TTC9: variants seen among roughly 807,000 people sequenced by gnomAD.
TTC9 encodes tetratricopeptide repeat protein 9A.
A neutral mutation model predicts 22.9 loss-of-function variants in TTC9; 13 were observed. The observed-to-expected ratio is 0.57, with a 90% CI of 0.37 to 0.90. The LOEUF is 0.90. Among genes scored for constraint, TTC9 ranks in the 40% least tolerant of loss-of-function variants. The probability of loss-of-function intolerance (pLI) is 0.01; values close to 1 mark genes in which losing one functional copy is unlikely to be tolerated. For synonymous variants in TTC9, 148 were observed against 133.2 expected, an observed-to-expected ratio of 1.11 and a Z score of -0.77; for missense variants, 280 against 291.8, an observed-to-expected ratio of 0.96 and a Z score of 0.29.
intron 1 of TTC9, among the ~76,000 whole-genome samples, chr14:70,656,612 C>A (rs1004857440): frequency 6.6e-6 from 1 of 152,148 alleles, no homozygotes; most frequent in Non-Finnish European, 1.5e-5. Flanking sequence ...AAATGGGAGA[C>A]GTTCTTTAAT....
rs200392932 is a variant in TTC9 at position 70,649,160 on chromosome 14, C to CT, written c.406+6630dup. Among the ~76,000 whole-genome samples, 1,152 of 152,254 alleles carry CT rather than the reference C, an allele frequency of 7.6e-3. 20 individuals carry two copies. The highest frequency in any genetic ancestry group is 0.027 in the African/African-American group (1,105 of 41,540). ...GATATTCACCACCATCTGAAGCAAACTTTTTGACAACCACCACCACCAAAA... is the reference window on the plus strand; with the variant it reads ...GATATTCACCACCATCTGAAGCAAACTTTTTTGACAACCACCACCACCAAAA... On this transcript the variant is annotated intron_variant, in intron 1 of 2. Coordinates refer to ENST00000256367, the MANE Select transcript of TTC9 (RefSeq NM_015351.2).
intron 1 of TTC9, among the ~76,000 whole-genome samples, chr14:70,644,499 A>G (rs1386238881): frequency 4.6e-5 from 7 of 152,216 alleles, no homozygotes; most frequent in Admixed American, 3.9e-4. Flanking sequence ...AGTTTTGCAG[A>G]GAAAAAGCTC....
intron 1 of TTC9, among the ~76,000 whole-genome samples, chr14:70,662,195 C>G (rs1188283977): frequency 1.3e-5 from 2 of 152,194 alleles, no homozygotes; most frequent in Admixed American, 1.3e-4. Flanking sequence ...CCCTGTACCT[C>G]TTCTGCTGCC....
chr14:70,654,586 T>TA (rs1422374484), intron 1 of TTC9, among the ~76,000 whole-genome samples: 2 of 20,128 alleles, frequency 9.9e-5, no homozygotes, highest in Non-Finnish European at 9.0e-5. Context: ...AGGCTCTGTC[T>TA]CAAAAAAAAA....
At position 70,667,732 on chromosome 14, in the gene TTC9, C is replaced by T. The variant is rs1886234850; in HGVS notation, c.575C>T (p.Thr192Ile). ...KALYYLKEAR[T>I]QQPTDTNVIR... Reference sequence around the variant, plus strand: ...CTCTACTACCTGAAAGAAGCAAGGACCCAACAACCAACAGGTAAGGCGGAA... The same window carrying T: ...CTCTACTACCTGAAAGAAGCAAGGATCCAACAACCAACAGGTAAGGCGGAA... The change falls in exon 2 of 3, where the codon ACC (threonine) becomes ATC (isoleucine). Residue 192 changes from threonine (T) to isoleucine (I), a missense_variant. Coordinates refer to ENST00000256367, the MANE Select transcript of TTC9 (RefSeq NM_015351.2). The T allele has an allele frequency of 1.9e-6, 3 of 1,600,260 alleles. No individual in the cohort carries two copies. The East Asian group carries it at 6.7e-5, about 36-fold the overall frequency.
chr14:70,669,015 G>A (rs1157238013), intron 2 of TTC9, among the ~76,000 whole-genome samples: 1 of 151,740 alleles, frequency 6.6e-6, no homozygotes, highest in Non-Finnish European at 1.5e-5. Context: ...AATTATCTGG[G>A]CATGGTGGCA....
Position 70,672,631 on chromosome 14 carries a change from A to C in TTC9, c.*1476A>C, listed in dbSNP as rs1886313299. ...ATTTTTCGTGTGACTAGTGAAAAAG[A>C]CAATGTTGTACAAAATTAAAATATA... On this transcript the variant is annotated 3_prime_UTR_variant, in exon 3 of 3. Transcript: ENST00000256367. The C allele has an allele frequency of 6.6e-6, 1 of 152,250 alleles. No individual in the cohort carries two copies. Among genetic ancestry groups the C allele is most frequent in the Non-Finnish European group, 1.5e-5 (1 of 68,048 alleles). 9.4% of individuals were successfully genotyped at this position (152,250 alleles called of 1,614,324 possible). A position where few individuals can be genotyped will look rare whatever the true frequency, so the allele number is the denominator to read the frequency against.
At chr14:70,669,665 CTTTT>C (rs914453912) in intron 2 of TTC9, among the ~76,000 whole-genome samples, 1 of 150,236 alleles carries the variant, frequency 6.7e-6, no homozygotes, top group African/African-American at 2.5e-5. Flanking sequence ...CAAATGTATA[CTTTT>C]TTTATCTTTT....
At chr14:70,663,242 C>T (rs1490611110) in intron 1 of TTC9, among the ~76,000 whole-genome samples, 1 of 152,196 alleles carries the variant, frequency 6.6e-6, no homozygotes, top group South Asian at 2.1e-4. Flanking sequence ...CTGAAATAGG[C>T]CATTCCCCTC....
intron 1 of TTC9, among the ~76,000 whole-genome samples, chr14:70,661,966 C>T (rs1886150161): frequency 6.6e-6 from 1 of 152,214 alleles, no homozygotes; most frequent in Non-Finnish European, 1.5e-5. Context: ...TCTGCTATCA[C>T]CCTGTTTGGC....
Position 70,667,638 on chromosome 14 carries a change from G to A in TTC9, c.481G>A (p.Gly161Arg), listed in dbSNP as rs943347479. Reference sequence around the variant, plus strand: ...TTGCCTCAAAGTCTTGAAGAAGGAAGGGGAGAACTTCAAGGCCCTTTACCG... The same window carrying A: ...TTGCCTCAAAGTCTTGAAGAAGGAAAGGGAGAACTTCAAGGCCCTTTACCG... ...EYCLKVLKKE[G>R]ENFKALYRSG... The change falls in exon 2 of 3, where the codon GGG (glycine) becomes AGG (arginine). Residue 161 changes from glycine to arginine, a missense_variant. Physicochemically the swap from Gly to Arg is moderately radical, Grantham distance 125. Transcript: ENST00000256367. 10 of 1,613,900 alleles carry A rather than the reference G, an allele frequency of 6.2e-6. No individual in the cohort carries two copies. Among genetic ancestry groups the A allele is most frequent in the Non-Finnish European group, 8.5e-6 (10 of 1,179,896 alleles).
At chr14:70,670,156 C>T (rs1050773976) in intron 2 of TTC9, among the ~76,000 whole-genome samples, 10 of 152,224 alleles carry the variant, frequency 6.6e-5, no homozygotes, top group Non-Finnish European at 1.2e-4. Context: ...TTTCATGAGG[C>T]AGGTATTACA....
Position 70,671,138 on chromosome 14 carries a change from G to A in TTC9, c.652G>A (p.Glu218Lys). 2 of 1,613,692 alleles carry A rather than the reference G, an allele frequency of 1.2e-6. No individual in the cohort carries two copies. Among genetic ancestry groups the A allele is most frequent in the Non-Finnish European group, 1.7e-6 (2 of 1,179,740 alleles). ...EMKLSRCSQR[E>K]KEAM ...GAAACTCAGCCGATGCTCCCAGAGA[G>A]AAAAAGAAGCCATGTAACCAGGAAG... is the stretch of plus-strand genomic sequence containing the variant. The change falls in exon 3 of 3, where the codon GAA becomes AAA. Residue 218 changes from glutamate to lysine, a missense_variant. Physicochemically the swap from Glu to Lys is moderately conservative, Grantham distance 56. This residue lies in a region of TTC9 where 22 missense variants were observed against 20.4 expected (regional missense o/e 1.08). Transcript: ENST00000256367.
chr14:70,673,999 G>C lies in TTC9; in HGVS notation c.*2844G>C, dbSNP rs1444444546. ...TAATCCCAAAGAGAAAAAGCTACCT[G>C]GGGTATTGGTTGATGTTTGGGGTGA... On this transcript the variant is annotated 3_prime_UTR_variant, in exon 3 of 3. Coordinates refer to ENST00000256367, the MANE Select transcript of TTC9 (RefSeq NM_015351.2). 1.3e-5 allele frequency: 2 copies of C among 152,084 alleles called. No individual in the cohort carries two copies. The highest frequency in any genetic ancestry group is 2.4e-5 in the African/African-American group (1 of 41,382). 9.4% of individuals were successfully genotyped at this position (152,084 alleles called of 1,614,324 possible). A position where few individuals can be genotyped will look rare whatever the true frequency, so the allele number is the denominator to read the frequency against.
intron 1 of TTC9, among the ~76,000 whole-genome samples, chr14:70,656,068 T>C (rs1886061332): frequency 6.6e-6 from 1 of 152,106 alleles, no homozygotes; most frequent in African/African-American, 2.4e-5. Flanking sequence ...AAGCTTCACC[T>C]TCCCCACCTG....
chr14:70,670,989 T>C (rs1886285641), intron 2 of TTC9, 87 bp from the exon 3 acceptor site: 4 of 1,323,390 alleles, frequency 3.0e-6, no homozygotes, highest in Non-Finnish European at 4.3e-6. Context: ...CTGTTGGATG[T>C]CTGCAGACAC....
chr14:70,667,195 C>T (rs1953032606), intron 1 of TTC9, among the ~76,000 whole-genome samples: 1 of 152,150 alleles, frequency 6.6e-6, no homozygotes, highest in South Asian at 2.1e-4. Context: ...ATAAGGATAC[C>T]AGTCACACTG....
intron 1 of TTC9, among the ~76,000 whole-genome samples, chr14:70,666,889 T>C (rs1446790221): frequency 6.6e-6 from 1 of 152,204 alleles, no homozygotes; most frequent in African/African-American, 2.4e-5. Context: ...GAAGAGATGA[T>C]GATTGCCTCT....
chr14:70,660,597 A>G (rs1214530629), intron 1 of TTC9, among the ~76,000 whole-genome samples: 1 of 152,196 alleles, frequency 6.6e-6, no homozygotes, highest in Non-Finnish European at 1.5e-5. Flanking sequence ...CATGGGAAGA[A>G]TAAGACCCAG....
Sources: allele counts gnomAD v4.1 joint callset (sites outside exome capture counted in the v4.1 genomes callset), GRCh38; gene constraint gnomAD v4.1.1; regional missense constraint gnomAD v4.1.1; transcripts MANE v1.5; gene names NCBI Gene and HGNC (gene_info 2026-07-23, HGNC 2026-07-21).